RELN: variants seen among roughly 807,000 people sequenced by gnomAD.
RELN encodes the protein reelin.
In RELN, 108 loss-of-function variants were observed where a neutral mutation model predicts 427.6. The ratio of observed to expected loss-of-function variants is 0.25; its 90% CI spans 0.22 to 0.30. The LOEUF (loss-of-function observed/expected upper bound fraction) is 0.30, where lower values mean the gene tolerates loss of function less well. Ranked by LOEUF, RELN falls within the 10% of genes least tolerant of loss-of-function variation. The pLI is 1.00. For missense variants in RELN, 3,715 were observed against 4,302.8 expected (o/e 0.86, Z 3.82); for synonymous variants, 1,524 against 1,513.4 (o/e 1.01, Z -0.16).
chr7:103,825,783 T>A (rs1402843423), intron 3 of RELN, among the ~76,000 whole-genome samples: 1 of 152,178 alleles, frequency 6.6e-6, no homozygotes, highest in Non-Finnish European at 1.5e-5. Context: ...CTGAATTTTT[T>A]ATTTAATTTT....
chr7:103,715,443 A>C (rs1279811631), intron 8 of RELN, among the ~76,000 whole-genome samples: 1 of 152,174 alleles, frequency 6.6e-6, no homozygotes, highest in South Asian at 2.1e-4. Flanking sequence ...CTCTGTTTTG[A>C]CTATCAGACT....
chr7:103,681,909 C>T (rs928346143), intron 11 of RELN, among the ~76,000 whole-genome samples: 1 of 152,102 alleles, frequency 6.6e-6, no homozygotes, highest in African/African-American at 2.4e-5. Context: ...AAAGCATTTG[C>T]AATCACAAAT....
chr7:103,527,538 A>G (rs1829849972), intron 46 of RELN, among the ~76,000 whole-genome samples: 1 of 152,192 alleles, frequency 6.6e-6, no homozygotes, highest in Non-Finnish European at 1.5e-5. Flanking sequence ...AAATATGAAC[A>G]GTTGTTAAGC....
intron 50 of RELN, chr7:103,513,529 CT>C (rs1829481125): frequency 6.6e-6 from 1 of 152,156 alleles, no homozygotes; most frequent in African/African-American, 2.4e-5. Context: ...CAATAACCTT[CT>C]TAAGAGAATA....
At chr7:103,495,632 G>T in intron 57 of RELN, 91 bp downstream of exon 57, 1 of 1,215,312 alleles carries the variant, frequency 8.2e-7, no homozygotes, top group Non-Finnish European at 1.2e-6. Flanking sequence ...AATAATATCA[G>T]TCATTTCCTT....
At chr7:103,881,778 G>C (rs1794612432) in intron 2 of RELN, among the ~76,000 whole-genome samples, 1 of 152,042 alleles carries the variant, frequency 6.6e-6, no homozygotes. Flanking sequence ...AACTCAAGAA[G>C]CCCTGCCCAA....
At chr7:103,973,494 A>G (rs1216197576) in intron 1 of RELN, among the ~76,000 whole-genome samples, 1 of 152,190 alleles carries the variant, frequency 6.6e-6, no homozygotes, top group Non-Finnish European at 1.5e-5. Flanking sequence ...TCATAAATAT[A>G]TTAACACAAT....
At chr7:103,929,828 C>A (rs1795822010) in intron 1 of RELN, among the ~76,000 whole-genome samples, 1 of 152,180 alleles carries the variant, frequency 6.6e-6, no homozygotes, top group Non-Finnish European at 1.5e-5. Context: ...CTTCAGCTGG[C>A]ACAAGCATTT....
intron 2 of RELN, among the ~76,000 whole-genome samples, chr7:103,904,086 A>C (rs1379997051): frequency 6.6e-6 from 1 of 152,090 alleles, no homozygotes; most frequent in Non-Finnish European, 1.5e-5. Flanking sequence ...ACTCCCACTT[A>C]TAAGTGAGAA....
intron 51 of RELN, among the ~76,000 whole-genome samples, chr7:103,509,821 G>C (rs956917488): frequency 1.3e-5 from 2 of 151,644 alleles, no homozygotes; most frequent in Non-Finnish European, 2.9e-5. Flanking sequence ...ACATCAAAAA[G>C]TGGTCGAAGG....
At chr7:103,744,359 A>G (rs1445031274) in intron 6 of RELN, among the ~76,000 whole-genome samples, 4 of 151,900 alleles carry the variant, frequency 2.6e-5, no homozygotes, top group African/African-American at 9.7e-5. Context: ...AAGAACTAGA[A>G]AAGCAAGAGC....
At position 103,838,065 on chromosome 7, in the gene RELN, T is replaced by C. The variant is rs112701175; in HGVS notation, c.338-4393A>G. On this transcript the variant is annotated intron_variant, in intron 2 of 64. Coordinates refer to ENST00000428762, the MANE Select transcript of RELN (RefSeq NM_005045.4). ...TACTAAAAATACAAAAAAAATTAGC[T>C]GGGTGTGGTGGTGGGCGCCTGTAGT... Among the ~76,000 whole-genome samples, 1,251 of 151,338 alleles carry C rather than the reference T, an allele frequency of 8.3e-3. 15 individuals are homozygous for C. Among genetic ancestry groups the C allele is most frequent in the African/African-American group, 0.028 (1,161 of 41,210 alleles).
At chr7:103,503,967 A>G (rs1829123892) in intron 51 of RELN, among the ~76,000 whole-genome samples, 1 of 147,142 alleles carries the variant, frequency 6.8e-6, no homozygotes. Context: ...GCACTTTGGG[A>G]GGCCGAGACG....
intron 1 of RELN, among the ~76,000 whole-genome samples, chr7:103,924,215 G>A (rs1190279578): frequency 6.6e-6 from 1 of 152,084 alleles, no homozygotes; most frequent in Non-Finnish European, 1.5e-5. Flanking sequence ...CCAGCAGGCT[G>A]CTCTGTAGAA....
At chr7:103,716,082 C>G (rs920057960) in intron 8 of RELN, among the ~76,000 whole-genome samples, 1 of 152,192 alleles carries the variant, frequency 6.6e-6, no homozygotes, top group Non-Finnish European at 1.5e-5. Flanking sequence ...CAGTTCTTAG[C>G]AGGGCTCCTG....
intron 41 of RELN, among the ~76,000 whole-genome samples, chr7:103,546,868 A>G (rs1234541856): frequency 6.6e-6 from 1 of 152,226 alleles, no homozygotes; most frequent in East Asian, 1.9e-4. Flanking sequence ...TAAGAGAAAA[A>G]GTGGCAGAAT....
intron 11 of RELN, among the ~76,000 whole-genome samples, chr7:103,679,875 C>T (rs1456317936): frequency 1.3e-5 from 2 of 152,080 alleles, no homozygotes; most frequent in Non-Finnish European, 2.9e-5. Flanking sequence ...CTTCTAATAT[C>T]AAGTCAATTC....
At chr7:103,547,107 AT>A (rs1203009430) in intron 41 of RELN, among the ~76,000 whole-genome samples, 1 of 152,180 alleles carries the variant, frequency 6.6e-6, no homozygotes, top group Non-Finnish European at 1.5e-5. Flanking sequence ...ATGTGCACTT[AT>A]TTTTGTGCCC....
At chr7:103,812,719 G>A (rs1792773656) in intron 3 of RELN, among the ~76,000 whole-genome samples, 2 of 152,124 alleles carry the variant, frequency 1.3e-5, no homozygotes, top group Admixed American at 1.3e-4. Context: ...CTCCAAATGA[G>A]CTCTCATCAG....
Sources: allele counts gnomAD v4.1 joint callset (sites outside exome capture counted in the v4.1 genomes callset), GRCh38; gene constraint gnomAD v4.1.1; transcripts MANE v1.5; gene names NCBI Gene and HGNC (gene_info 2026-07-23, HGNC 2026-07-21).